The following PPP1CC variants were observed in gnomAD, a reference collection of about 807,000 sequenced individuals.
PPP1CC encodes serine/threonine-protein phosphatase PP1-gamma catalytic subunit.
A neutral mutation model predicts 38.4 loss-of-function variants in PPP1CC; 16 were observed. That is an observed-to-expected ratio of 0.42 (90% CI 0.28 to 0.63). The LOEUF (loss-of-function observed/expected upper bound fraction) is 0.63. Ranked by LOEUF, PPP1CC falls within the 30% of genes least tolerant of loss-of-function variation. The pLI is 0.25. For missense variants in PPP1CC, 170 were observed against 391.3 expected (o/e 0.43, Z 4.77); for synonymous variants, 158 against 136.0 (o/e 1.16, Z -1.13).
Position 110,730,733 on chromosome 12 carries a change from A to G in PPP1CC, c.214T>C (p.Leu72=), listed in dbSNP as rs2069862275. The change falls in exon 3 of 7, where the codon TTG becomes CTG. Residue 72 remains leucine, a synonymous_variant. Transcript: ENST00000335007. ...CCACCGTACTCAAAAAGTCGCAGCA[A>G]ATCATAGTATTGTCCATGGATGTCA... The part of the protein sequence containing the change: ...CGDIHGQYYD[L]LRLFEYGGFP... 1 of 1,613,664 alleles carries G rather than the reference A, an allele frequency of 6.2e-7. No individual in the cohort carries two copies. The highest frequency in any genetic ancestry group is 1.1e-5 in the South Asian group (1 of 90,952).
intron 1 of PPP1CC, 56 bp downstream of exon 1, chr12:110,742,597 G>T: frequency 2.2e-6 from 3 of 1,372,712 alleles, no homozygotes; most frequent in Non-Finnish European, 2.9e-6. Context: ...AGCCCCCGGG[G>T]CCGCCTGCCG....
intron 3 of PPP1CC, chr12:110,725,362 AC>A: frequency 6.6e-6 from 1 of 152,372 alleles, no homozygotes; most frequent in Non-Finnish European, 1.5e-5. Flanking sequence ...GAGAGTTAGC[AC>A]CCATCCCCCA....
At chr12:110,717,794 C>T (rs1287323975), downstream of PPP1CC, among the ~76,000 whole-genome samples, 2 of 152,184 alleles carry the variant, frequency 1.3e-5, no homozygotes, top group African/African-American at 4.8e-5. Flanking sequence ...TCAGCTTTGT[C>T]CCTTCTACTA....
chr12:110,740,151 G>A (rs148104369), intron 1 of PPP1CC, among the ~76,000 whole-genome samples: 81 of 152,200 alleles, frequency 5.3e-4, no homozygotes, highest in African/African-American at 1.9e-3. Flanking sequence ...TCTCAACTAG[G>A]TTATACTGCT....
chr12:110,720,931 C>T lies in PPP1CC; in HGVS notation c.*145G>A, dbSNP rs2069731674. 5.0e-6 allele frequency: 3 copies of T among 594,684 alleles called. No homozygotes were observed. The highest frequency in any genetic ancestry group is 5.9e-6 in the Non-Finnish European group (2 of 340,412). The allele number at this position is 594,684 out of a possible 1,614,324, so 36.8% of individuals were successfully genotyped here. A position where few individuals can be genotyped will look rare whatever the true frequency, so the allele number is the denominator to read the frequency against. On this transcript the variant is annotated 3_prime_UTR_variant, in exon 7 of 7. Coordinates refer to ENST00000335007, the MANE Select transcript of PPP1CC (RefSeq NM_002710.4). ...CATTTGCTGTTATAACCAGCAAATG[C>T]CATTCACTAAATCAAAAATGGAAGG...
intron 6 of PPP1CC, 28 bp from the exon 7 acceptor site, chr12:110,721,193 G>T (rs1321043558): frequency 1.0e-5 from 16 of 1,582,832 alleles, no homozygotes; most frequent in Middle Eastern, 1.7e-4. Context: ...AGTTAATTTA[G>T]GAAATATACT....
chr12:110,731,655 C>T, intron 2 of PPP1CC, 115 bp downstream of exon 2: 3 of 1,203,186 alleles, frequency 2.5e-6, no homozygotes, highest in East Asian at 2.5e-5. Context: ...TAAGTAGTTC[C>T]AAGCTATTCG....
At chr12:110,711,048 T>G in the PPP1CC span, among the ~76,000 whole-genome samples, 1 of 151,830 alleles carries the variant, frequency 6.6e-6, no homozygotes, top group Non-Finnish European at 1.5e-5. Context: ...TGGTGGCATG[T>G]GCCTGTAATC....
chr12:110,733,655 C>T (rs1005446798), intron 1 of PPP1CC, among the ~76,000 whole-genome samples: 1 of 152,156 alleles, frequency 6.6e-6, no homozygotes, highest in Admixed American at 6.5e-5. Flanking sequence ...AAGCCTGGTG[C>T]CCAGGCTGGA....
rs747125072 is a variant in PPP1CC, at chr12:110,733,471, T to C, written c.56-1570A>G. Among the ~76,000 whole-genome samples the C allele has an allele frequency of 5.9e-5, 9 of 152,282 alleles. No homozygotes were observed. The East Asian group carries it at 1.5e-3, about 26-fold the overall frequency. On this transcript the variant is annotated intron_variant, in intron 1 of 6. Coordinates refer to ENST00000335007, the MANE Select transcript of PPP1CC (RefSeq NM_002710.4). ...TGCCATCAGATGAAATCAATGTTGC[T>C]AACAATTTTTTTTTTTGGCTTTGGA...
At chr12:110,709,964 A>G in the PPP1CC span, among the ~76,000 whole-genome samples, 1 of 147,892 alleles carries the variant, frequency 6.8e-6, no homozygotes, top group Non-Finnish European at 1.5e-5. Flanking sequence ...AATAATAATA[A>G]TAATAATAAT....
chr12:110,712,666 A>G, the PPP1CC span, among the ~76,000 whole-genome samples: 688 of 112,100 alleles, frequency 6.1e-3, 1 homozygote, highest in Non-Finnish European at 8.0e-3. Context: ...AAAAAAAAAA[A>G]GGGGGGGCAC....
chr12:110,738,746 T>C (rs1593586652), intron 1 of PPP1CC, among the ~76,000 whole-genome samples: 1 of 152,182 alleles, frequency 6.6e-6, no homozygotes, highest in African/African-American at 2.4e-5. Context: ...TTCTGTCAGA[T>C]TTCACTGCTG....
chr12:110,742,877 T>G lies in PPP1CC; in HGVS notation c.-170A>C. The G allele has an allele frequency of 2.3e-6, 1 of 429,918 alleles. No homozygotes were observed. Among genetic ancestry groups the G allele is most frequent in the South Asian group, 8.7e-5 (1 of 11,502 alleles). 26.6% of individuals were successfully genotyped at this position (429,918 alleles called of 1,614,324 possible). A position where few individuals can be genotyped will look rare whatever the true frequency, so the allele number is the denominator to read the frequency against. ...CCCTACTTCCTCCTTCTCTCCCCAC[T>G]GGAACCACGAGAAGAACAAAATGGC... On this transcript the variant is annotated 5_prime_UTR_variant, in exon 1 of 7. Transcript: ENST00000335007.
chr12:110,713,675 G>C, the PPP1CC span, among the ~76,000 whole-genome samples: 1 of 152,294 alleles, frequency 6.6e-6, no homozygotes, highest in Admixed American at 6.5e-5. Context: ...TTTTAACAGA[G>C]CTGTTCTGAT....
chr12:110,712,915 A>T, the PPP1CC span, among the ~76,000 whole-genome samples: 3 of 151,746 alleles, frequency 2.0e-5, no homozygotes, highest in Non-Finnish European at 2.9e-5. Flanking sequence ...CTACTACAAA[A>T]ATACAAAATT....
At position 110,732,161 on chromosome 12, in the gene PPP1CC, G is replaced by C. The variant is rs149287471; in HGVS notation, c.56-260C>G. ...CATCCTGTCTGTGCGAATGCTGTTA[G>C]AAACAGGACTGCAGGCCAGATGCAA... On this transcript the variant is annotated intron_variant, in intron 1 of 6. Transcript: ENST00000335007. The C allele has an allele frequency of 2.0e-4, 106 of 540,494 alleles. No individual in the cohort carries two copies. The East Asian group carries it at 3.1e-3, about 16-fold the overall frequency. The allele number at this position is 540,494 out of a possible 1,614,324, so 33.5% of individuals were successfully genotyped here. A position where few individuals can be genotyped will look rare whatever the true frequency, so the allele number is the denominator to read the frequency against.
chr12:110,730,902 T>G (rs1242211321), intron 2 of PPP1CC, 143 bp from the exon 3 acceptor site: 5 of 603,312 alleles, frequency 8.3e-6, no homozygotes, highest in Non-Finnish European at 1.4e-5. Context: ...CAGCCAACAC[T>G]AAGTAATTTC....
chr12:110,718,304 A>AG (rs2136533559), downstream of PPP1CC, among the ~76,000 whole-genome samples: 1 of 152,328 alleles, frequency 6.6e-6, no homozygotes, highest in East Asian at 1.9e-4. Context: ...AAGGATGCCT[A>AG]GCACCTGCCT....
Sources: gnomAD v4.1 joint callset for allele counts (sites outside exome capture counted in the v4.1 genomes callset) on GRCh38, gnomAD v4.1.1 for gene constraint, MANE v1.5 for transcripts, NCBI Gene and HGNC (gene_info 2026-07-23, HGNC 2026-07-21) for gene names.